HMCN1: variants seen among roughly 807,000 people sequenced by gnomAD.
HMCN1 encodes hemicentin 1.
Under a neutral mutation model 625.9 loss-of-function variants are expected in HMCN1, and 321 were observed. The observed-to-expected ratio is 0.51, with a 90% CI of 0.47 to 0.56. The LOEUF (loss-of-function observed/expected upper bound fraction) is 0.56, where lower values mean the gene tolerates loss of function less well. Among genes scored for constraint, HMCN1 ranks in the 20% least tolerant of loss-of-function variants. The pLI is 0.00. For synonymous variants in HMCN1, 2,425 were observed against 2,417.6 expected, an observed-to-expected ratio of 1.00 and a Z score of -0.09; for missense variants, 6,588 against 6,887.3, an observed-to-expected ratio of 0.96 and a Z score of 1.54.
chr1:185,857,800 A>G (rs191352152), intron 2 of HMCN1, among the ~76,000 whole-genome samples: 7 of 152,328 alleles, frequency 4.6e-5, no homozygotes, highest in Admixed American at 4.6e-4. Context: ...TCATCAAACA[A>G]CAATGGAACA....
At chr1:185,826,628 GA>G (rs1205773066) in intron 1 of HMCN1, among the ~76,000 whole-genome samples, 1 of 152,180 alleles carries the variant, frequency 6.6e-6, no homozygotes, top group African/African-American at 2.4e-5. Context: ...CCAACCACAT[GA>G]AAACATAGAC....
chr1:186,067,963 A>G lies in HMCN1; in HGVS notation c.7835A>G (p.Asp2612Gly). 1 of 1,613,824 alleles carries G rather than the reference A, an allele frequency of 6.2e-7. No individual in the cohort carries two copies. The highest frequency in any genetic ancestry group is 1.1e-5 in the South Asian group (1 of 91,070). ...YPPATITWFK[D>G]GTPLESNRNI... ...CCAGCTACCATCACCTGGTTTAAGGATGGCACTCCTTTAGAATCTAACCGA... is the reference window on the plus strand; with the variant it reads ...CCAGCTACCATCACCTGGTTTAAGGGTGGCACTCCTTTAGAATCTAACCGA... The change falls in exon 50 of 107, where the codon GAT becomes GGT. Residue 2612 changes from aspartate to glycine, a missense_variant. Asp to Gly is a moderately conservative substitution (Grantham distance 94). This residue lies in a region of HMCN1 where 4,628 missense variants were observed against 4,853.1 expected (regional missense o/e 0.95). Coordinates refer to ENST00000271588, the MANE Select transcript of HMCN1 (RefSeq NM_031935.3).
intron 2 of HMCN1, among the ~76,000 whole-genome samples, chr1:185,859,986 A>G (rs1342598281): frequency 1.3e-5 from 2 of 152,072 alleles, no homozygotes; most frequent in Non-Finnish European, 2.9e-5. Context: ...GATCATTTTA[A>G]TGGCCACTTG....
At chr1:186,065,528 T>C (rs1183296127) in intron 49 of HMCN1, 99 bp downstream of exon 49, 25 of 838,298 alleles carry the variant, frequency 3.0e-5, no homozygotes, top group Non-Finnish European at 4.3e-5. Context: ...CGTCGTAGAA[T>C]TTCATCATGT....
At chr1:185,804,858 A>T (rs1659064213) in intron 1 of HMCN1, among the ~76,000 whole-genome samples, 2 of 152,184 alleles carry the variant, frequency 1.3e-5, no homozygotes, top group East Asian at 3.9e-4. Context: ...TTAGAATGTT[A>T]TGACGAGACT....
rs142479032 is a variant in HMCN1 at position 186,079,922 on chromosome 1, G to A, written c.8600-1285G>A. Among the ~76,000 whole-genome samples the A allele has an allele frequency of 3.7e-3, 567 of 152,268 alleles. 4 individuals are homozygous for A. Among genetic ancestry groups the A allele is most frequent in the African/African-American group, 0.013 (540 of 41,564 alleles). ...GGGCCACTGAGAACAATTCTGAGTG[G>A]TGTAACCCACTAGTAGGGTGTGGCA... On this transcript the variant is annotated intron_variant, in intron 55 of 106. Coordinates refer to ENST00000271588, the MANE Select transcript of HMCN1 (RefSeq NM_031935.3).
intron 75 of HMCN1, 138 bp downstream of exon 75, chr1:186,115,552 A>C: frequency 1.2e-6 from 1 of 802,024 alleles, no homozygotes; most frequent in Non-Finnish European, 2.0e-6. Context: ...TTTCCTTAAT[A>C]TGGACTTAGT....
chr1:185,902,923 A>G (rs888447478), intron 4 of HMCN1, among the ~76,000 whole-genome samples: 1 of 151,702 alleles, frequency 6.6e-6, no homozygotes, highest in Non-Finnish European at 1.5e-5. Flanking sequence ...TGGCCATTCT[A>G]AAATAGGTAT....
intron 70 of HMCN1, 87 bp from the exon 71 acceptor site, chr1:186,108,374 T>C: frequency 6.3e-7 from 1 of 1,588,308 alleles, no homozygotes; most frequent in African/African-American, 1.3e-5. Flanking sequence ...ATTTTATGCC[T>C]CTTATTATTT....
chr1:185,809,455 G>A (rs943101050), intron 1 of HMCN1, among the ~76,000 whole-genome samples: 2 of 151,592 alleles, frequency 1.3e-5, no homozygotes, highest in African/African-American at 4.8e-5. Flanking sequence ...AACATAGTAT[G>A]TGCACATGTA....
At chr1:186,141,808 A>T (rs1452703106) in intron 89 of HMCN1, among the ~76,000 whole-genome samples, 1 of 152,200 alleles carries the variant, frequency 6.6e-6, no homozygotes, top group Non-Finnish European at 1.5e-5. Flanking sequence ...CACAGCAGCC[A>T]AGTGACTTGT....
intron 28 of HMCN1, among the ~76,000 whole-genome samples, chr1:186,003,330 A>G (rs1205751960): frequency 6.6e-6 from 1 of 152,158 alleles, no homozygotes; most frequent in Admixed American, 6.6e-5. Context: ...ACCACACTAT[A>G]TGTAGAATTT....
Position 186,114,962 on chromosome 1 carries a change from T to C in HMCN1, c.11404+16T>C. On this transcript the variant is annotated intron_variant, in intron 74 of 106. Transcript: ENST00000271588. ...CAGGTCCATGGTAAATATCCGTTTA[T>C]AGACAACATCCGGTCTCTGTGTCAA... is the stretch of plus-strand genomic sequence containing the variant. The C allele has an allele frequency of 1.2e-6, 2 of 1,614,214 alleles. No individual in the cohort carries two copies. The highest frequency in any genetic ancestry group is 1.7e-6 in the Non-Finnish European group (2 of 1,180,020).
chr1:186,063,654 T>C (rs888060656), intron 48 of HMCN1, among the ~76,000 whole-genome samples: 4 of 152,192 alleles, frequency 2.6e-5, no homozygotes, highest in Non-Finnish European at 5.9e-5. Flanking sequence ...CTTTTCCTTT[T>C]TTTCTTAAAT....
In HMCN1 at chr1:186,053,854, C is replaced by A. The variant is rs373249075; in HGVS notation, c.6730C>A (p.Arg2244=). ...TCCAGTGCTGACTGATTCCATGGGG[C>A]GAGTTAGAATTTTATCTGGGGGCAG... ...GSPVLTDSMG[R]VRILSGGRQL... is the part of the protein sequence containing the mutation. The change falls in exon 44 of 107, where the codon CGA becomes AGA. Residue 2244 remains arginine (R), a synonymous_variant. Coordinates refer to ENST00000271588, the MANE Select transcript of HMCN1 (RefSeq NM_031935.3). 6.2e-7 allele frequency: 1 copy of A among 1,612,484 alleles called. No homozygotes were observed. The highest frequency in any genetic ancestry group is 8.5e-7 in the Non-Finnish European group (1 of 1,179,072).
rs1297788015 is a variant in HMCN1, at chr1:185,779,792, C to G, written c.268+44745C>G. 2.0e-5 allele frequency among the ~76,000 whole-genome samples: 3 copies of G among 152,282 alleles called. No homozygotes were observed. In the East Asian group the frequency reaches 5.8e-4, roughly 29 times the overall value. The stretch of plus-strand genomic sequence containing the variant: ...AAGTCAGGTAGTGTGATGCCTCCAG[C>G]TTTGTTCTTTTGGTTTAGGATTGTC... On this transcript the variant is annotated intron_variant, in intron 1 of 106. Coordinates refer to ENST00000271588, the MANE Select transcript of HMCN1 (RefSeq NM_031935.3).
At chr1:186,094,789 C>T (rs995720553) in intron 67 of HMCN1, among the ~76,000 whole-genome samples, 1 of 152,076 alleles carries the variant, frequency 6.6e-6, no homozygotes, top group Non-Finnish European at 1.5e-5. Context: ...CCTTCCATTT[C>T]GGAAATATTG....
chr1:185,977,702 A>G, intron 15 of HMCN1, 85 bp from the exon 16 acceptor site: 1 of 880,198 alleles, frequency 1.1e-6, no homozygotes, highest in Non-Finnish European at 1.9e-6. Flanking sequence ...AAATTCAATG[A>G]TTTGACAGTT....
At chr1:185,825,658 G>T (rs1182238519) in intron 1 of HMCN1, among the ~76,000 whole-genome samples, 1 of 152,110 alleles carries the variant, frequency 6.6e-6, no homozygotes, top group East Asian at 1.9e-4. Flanking sequence ...TTTTAGGTAG[G>T]GGGTAGATCA....
Sources: gnomAD v4.1 joint callset for allele counts (sites outside exome capture counted in the v4.1 genomes callset) on GRCh38, gnomAD v4.1.1 for gene constraint, gnomAD v4.1.1 regional missense constraint, MANE v1.5 for transcripts, NCBI Gene and HGNC (gene_info 2026-07-23, HGNC 2026-07-21) for gene names.